The following LOC128706666 variants were observed in gnomAD, a reference collection of about 807,000 sequenced individuals.
At chr20:10,421,354 G>A in the LOC128706666 span, among the ~76,000 whole-genome samples, 2 of 151,038 alleles carry the variant, frequency 1.3e-5, no homozygotes, top group East Asian at 1.9e-4. Flanking sequence ...AACTTGGGAG[G>A]TGGAGGTTGC....
At chr20:10,421,409 T>G in the LOC128706666 span, among the ~76,000 whole-genome samples, 1 of 119,374 alleles carries the variant, frequency 8.4e-6, no homozygotes. Flanking sequence ...AGAATGAGAC[T>G]CCATCACAAA....
the LOC128706666 span, among the ~76,000 whole-genome samples, chr20:10,430,482 AC>A: frequency 4.7e-4 from 72 of 152,352 alleles, 2 homozygotes; most frequent in South Asian, 0.011. Context: ...AAGAAAAAAA[AC>A]ATTACTGGAA....
At chr20:10,416,087 A>G in the LOC128706666 span, among the ~76,000 whole-genome samples, 1 of 152,192 alleles carries the variant, frequency 6.6e-6, no homozygotes, top group Non-Finnish European at 1.5e-5. Flanking sequence ...GTGCTCCATA[A>G]TTCCAAGAGT....
At chr20:10,432,089 T>C in the LOC128706666 span, among the ~76,000 whole-genome samples, 1 of 152,196 alleles carries the variant, frequency 6.6e-6, no homozygotes, top group Admixed American at 6.5e-5. Context: ...CATGATTGAC[T>C]TGGCTGAAGA....
chr20:10,419,168 A>G, the LOC128706666 span, among the ~76,000 whole-genome samples: 1 of 152,152 alleles, frequency 6.6e-6, no homozygotes, highest in African/African-American at 2.4e-5. Flanking sequence ...AAAGAGCAGA[A>G]CCTTACACTC....
At chr20:10,422,255 C>T in the LOC128706666 span, among the ~76,000 whole-genome samples, 8 of 152,172 alleles carry the variant, frequency 5.3e-5, no homozygotes, top group South Asian at 1.2e-3. Context: ...AGAGGAAACA[C>T]GACCTGCTTT....
the LOC128706666 span, among the ~76,000 whole-genome samples, chr20:10,416,822 C>G: frequency 2.6e-5 from 4 of 152,122 alleles, no homozygotes; most frequent in South Asian, 8.3e-4. Context: ...CAGACTGCTG[C>G]CTGTTTTTGT....
chr20:10,427,773 G>A, the LOC128706666 span, among the ~76,000 whole-genome samples: 1 of 152,098 alleles, frequency 6.6e-6, no homozygotes, highest in Non-Finnish European at 1.5e-5. Context: ...CTCCAGTCTT[G>A]TAAAAACACA....
the LOC128706666 span, among the ~76,000 whole-genome samples, chr20:10,433,043 G>A: frequency 6.6e-6 from 1 of 152,106 alleles, no homozygotes; most frequent in African/African-American, 2.4e-5. Context: ...AGTCTCTGTC[G>A]CCCAACCTGG....
chr20:10,415,763 A>T, the LOC128706666 span, among the ~76,000 whole-genome samples: 1 of 152,256 alleles, frequency 6.6e-6, no homozygotes, highest in East Asian at 1.9e-4. Flanking sequence ...AATACTTAAT[A>T]GTGTCATGTA....
the LOC128706666 span, among the ~76,000 whole-genome samples, chr20:10,424,856 A>G: frequency 6.6e-6 from 1 of 152,134 alleles, no homozygotes; most frequent in African/African-American, 2.4e-5. Context: ...GTTTGAGACC[A>G]GTCTGGCCAA....
the LOC128706666 span, among the ~76,000 whole-genome samples, chr20:10,426,459 G>A: frequency 2.0e-5 from 3 of 152,208 alleles, no homozygotes; most frequent in South Asian, 2.1e-4. Flanking sequence ...AAGGGGGAGC[G>A]TAGTGGTGTG....
chr20:10,430,744 T>C, the LOC128706666 span, among the ~76,000 whole-genome samples: 10 of 152,292 alleles, frequency 6.6e-5, no homozygotes, highest in African/African-American at 2.2e-4. Flanking sequence ...CCAGGAAAGC[T>C]GTGAAGGAAG....
At chr20:10,427,143 G>C in the LOC128706666 span, among the ~76,000 whole-genome samples, 1 of 151,036 alleles carries the variant, frequency 6.6e-6, no homozygotes, top group Non-Finnish European at 1.5e-5. Flanking sequence ...GCTGGATCTA[G>C]CCATCAGATT....
the LOC128706666 span, among the ~76,000 whole-genome samples, chr20:10,417,417 C>A: frequency 7.2e-5 from 11 of 152,104 alleles, no homozygotes; most frequent in African/African-American, 2.7e-4. Flanking sequence ...TTGAGACCAG[C>A]CTGGGCAACA....
the LOC128706666 span, among the ~76,000 whole-genome samples, chr20:10,419,412 C>A: frequency 6.6e-6 from 1 of 151,884 alleles, no homozygotes; most frequent in Non-Finnish European, 1.5e-5. Context: ...GTAAATCAAA[C>A]GTGACAAATG....
chr20:10,414,923 A>G, the LOC128706666 span, among the ~76,000 whole-genome samples: 1 of 152,238 alleles, frequency 6.6e-6, no homozygotes, highest in Non-Finnish European at 1.5e-5. Flanking sequence ...TCCTCCCCAA[A>G]GCACTGGTTA....
the LOC128706666 span, among the ~76,000 whole-genome samples, chr20:10,425,081 T>G: frequency 1.2e-3 from 178 of 150,906 alleles, no homozygotes; most frequent in African/African-American, 4.1e-3. Context: ...GAAAGAAAAT[T>G]AGCATTACTG....
chr20:10,425,274 G>A, the LOC128706666 span, among the ~76,000 whole-genome samples: 965 of 152,250 alleles, frequency 6.3e-3, 7 homozygotes, highest in Middle Eastern at 0.02. Flanking sequence ...GAGCTATACA[G>A]CATTTGATTA....
Sources: gnomAD v4.1 joint callset for allele counts (sites outside exome capture counted in the v4.1 genomes callset) on GRCh38, gnomAD v4.1.1 for gene constraint, MANE v1.5 for transcripts.